Variants in ERBB4 observed in about 807,000 individuals in gnomAD.
The protein encoded by ERBB4 is erb-b2 receptor tyrosine kinase 4.
Under a neutral mutation model 158.0 loss-of-function variants are expected in ERBB4, and 42 were observed. That is an observed-to-expected ratio of 0.27 (90% CI 0.21 to 0.34). The LOEUF (loss-of-function observed/expected upper bound fraction) is 0.34. Ranked by LOEUF, ERBB4 falls within the 10% of genes least tolerant of loss-of-function variation. ERBB4 has a pLI of 1.00. For missense variants in ERBB4, 1,333 were observed against 1,624.1 expected (o/e 0.82, Z 3.08); for synonymous variants, 583 against 558.7 (o/e 1.04, Z -0.61).
chr2:211,648,416 C>T (rs564581725), intron 16 of ERBB4, among the ~76,000 whole-genome samples: 1 of 151,766 alleles, frequency 6.6e-6, no homozygotes, highest in East Asian at 1.9e-4. Flanking sequence ...TCTTTCCCTA[C>T]ACAATGGATT....
chr2:211,641,900 A>C (rs974730292), intron 16 of ERBB4, among the ~76,000 whole-genome samples: 5 of 148,408 alleles, frequency 3.4e-5, no homozygotes, highest in African/African-American at 1.2e-4. Flanking sequence ...AAAGTAAATT[A>C]TAAGCCCCAT....
intron 2 of ERBB4, among the ~76,000 whole-genome samples, chr2:212,014,393 A>T (rs1220307103): frequency 6.6e-6 from 1 of 152,188 alleles, no homozygotes; most frequent in Non-Finnish European, 1.5e-5. Context: ...TATTCACATA[A>T]ATGTCCAACT....
chr2:211,425,109 T>C (rs1428601945), intron 22 of ERBB4, among the ~76,000 whole-genome samples: 1 of 152,080 alleles, frequency 6.6e-6, no homozygotes, highest in Non-Finnish European at 1.5e-5. Flanking sequence ...AATGATTATA[T>C]AATTTAAGAT....
chr2:211,817,359 G>A (rs191304574), intron 3 of ERBB4, among the ~76,000 whole-genome samples: 9 of 152,254 alleles, frequency 5.9e-5, no homozygotes, highest in African/African-American at 1.7e-4. Flanking sequence ...AGGGGTTGTC[G>A]TAGACAGAGC....
chr2:211,720,346 G>C (rs555259082), intron 7 of ERBB4, among the ~76,000 whole-genome samples: 4 of 152,238 alleles, frequency 2.6e-5, no homozygotes, highest in Non-Finnish European at 4.4e-5. Context: ...CTTTGTGGAG[G>C]AGCAATGTTA....
intron 1 of ERBB4, among the ~76,000 whole-genome samples, chr2:212,462,515 T>C (rs753882927): frequency 1.3e-5 from 2 of 152,248 alleles, no homozygotes; most frequent in East Asian, 1.9e-4. Flanking sequence ...TCAATATCAC[T>C]ACTTATTAGA....
intron 2 of ERBB4, among the ~76,000 whole-genome samples, chr2:212,041,288 T>C (rs1035295496): frequency 6.6e-6 from 1 of 152,120 alleles, no homozygotes; most frequent in Non-Finnish European, 1.5e-5. Flanking sequence ...GCTGTTTTTT[T>C]TCATAATCTA....
At chr2:212,255,598 G>A (rs2084699180) in intron 1 of ERBB4, among the ~76,000 whole-genome samples, 1 of 152,010 alleles carries the variant, frequency 6.6e-6, no homozygotes, top group Non-Finnish European at 1.5e-5. Context: ...TAGGTTTTTG[G>A]TGTGTGTGTG....
intron 20 of ERBB4, among the ~76,000 whole-genome samples, chr2:211,543,056 C>T (rs941854347): frequency 2.0e-5 from 3 of 151,926 alleles, no homozygotes; most frequent in African/African-American, 7.2e-5. Flanking sequence ...AAATTTAGAA[C>T]TTCCAATGTA....
intron 20 of ERBB4, among the ~76,000 whole-genome samples, chr2:211,548,669 C>A (rs2067003754): frequency 6.6e-6 from 1 of 152,000 alleles, no homozygotes; most frequent in African/African-American, 2.4e-5. Context: ...AGAACCGTGA[C>A]CTTACCTGGA....
At chr2:211,487,697 TA>T (rs140780323) in intron 20 of ERBB4, among the ~76,000 whole-genome samples, 11,887 of 152,060 alleles carry the variant, frequency 0.078, 511 homozygotes, top group African/African-American at 0.11. Flanking sequence ...CTGGATATCA[TA>T]AAAGGAGGTG....
At chr2:211,713,420 G>T in intron 8 of ERBB4, 115 bp downstream of exon 8, 1 of 716,018 alleles carries the variant, frequency 1.4e-6, no homozygotes, top group Non-Finnish European at 2.6e-6. Flanking sequence ...AAAGCGTGTG[G>T]GTAGGTTTGG....
chr2:211,970,476 T>G (rs2081420652), intron 2 of ERBB4, among the ~76,000 whole-genome samples: 1 of 152,072 alleles, frequency 6.6e-6, no homozygotes, highest in Admixed American at 6.6e-5. Context: ...GTCAGTGAGG[T>G]GTTAAAGTCT....
In ERBB4 at chr2:212,264,473, G is replaced by A. The variant is rs112287348; in HGVS notation, c.83-139570C>T. 4.9e-3 allele frequency among the ~76,000 whole-genome samples: 740 copies of A among 152,152 alleles called. 7 individuals are homozygous for A. Among genetic ancestry groups the A allele is most frequent in the Middle Eastern group, 0.017 (5 of 292 alleles). On this transcript the variant is annotated intron_variant, in intron 1 of 27. Transcript: ENST00000342788. ...CTTGCACTGTATATTACTGGAAGAA[G>A]AAACACACAGTGGGCTCTACAGACA...
chr2:211,800,341 T>C (rs749240197), intron 3 of ERBB4, among the ~76,000 whole-genome samples: 1 of 152,074 alleles, frequency 6.6e-6, no homozygotes, highest in Non-Finnish European at 1.5e-5. Context: ...AAAACTGAGG[T>C]TTAGAGAGCT....
intron 9 of ERBB4, among the ~76,000 whole-genome samples, chr2:211,710,575 T>C (rs1320844263): frequency 6.6e-6 from 1 of 152,028 alleles, no homozygotes; most frequent in Non-Finnish European, 1.5e-5. Context: ...AAATGACTAG[T>C]GTTACTGATT....
chr2:212,374,986 G>A (rs2090272461), intron 1 of ERBB4, among the ~76,000 whole-genome samples: 1 of 152,010 alleles, frequency 6.6e-6, no homozygotes, highest in South Asian at 2.1e-4. Context: ...AAAGATATTT[G>A]TCAATGATTA....
At chr2:211,994,134 T>G (rs938411948) in intron 2 of ERBB4, among the ~76,000 whole-genome samples, 5 of 152,060 alleles carry the variant, frequency 3.3e-5, no homozygotes, top group African/African-American at 9.7e-5. Flanking sequence ...CTATCATCTA[T>G]CTATCTGTCT....
At chr2:212,259,134 C>A (rs1242107854) in intron 1 of ERBB4, among the ~76,000 whole-genome samples, 1 of 152,076 alleles carries the variant, frequency 6.6e-6, no homozygotes, top group East Asian at 1.9e-4. Flanking sequence ...TGTTCTTCAT[C>A]AGAGCATTAA....
Sources: allele counts gnomAD v4.1 joint callset (sites outside exome capture counted in the v4.1 genomes callset), GRCh38; gene constraint gnomAD v4.1.1; transcripts MANE v1.5; gene names NCBI Gene and HGNC (gene_info 2026-07-23, HGNC 2026-07-21).